Variants in FRY observed in about 807,000 individuals in gnomAD.
FRY encodes FRY microtubule binding protein, also known as protein furry homolog.
FRY carries 128 observed loss-of-function variants against 348.4 expected under a neutral mutation model. The observed-to-expected ratio is 0.37, with a 90% CI of 0.32 to 0.43. The LOEUF is 0.43. Ranked by LOEUF, FRY falls within the 20% of genes least tolerant of loss-of-function variation. The pLI is 1.00. For synonymous variants in FRY, 1,370 were observed against 1,374.7 expected (o/e 1.00, Z 0.08); for missense variants, 2,736 against 3,695.2 (o/e 0.74, Z 6.73).
rs571492368 is a variant in FRY at position 32,044,708 on chromosome 13, G to A, written c.70+12843G>A. 1.5e-4 allele frequency among the ~76,000 whole-genome samples: 23 copies of A among 152,282 alleles called. No individual in the cohort carries two copies. In the South Asian group the frequency reaches 4.4e-3, roughly 29 times the overall value. On this transcript the variant is annotated intron_variant, in intron 1 of 60. Coordinates refer to ENST00000542859, the MANE Select transcript of FRY (RefSeq NM_023037.3). ...TGGCCTTCAGTGCAAGCTTCTGACT[G>A]CTATCCCAGTTGCTGGGGGAACTTC...
intron 36 of FRY, among the ~76,000 whole-genome samples, chr13:32,219,122 T>G (rs1271732378): frequency 6.8e-6 from 1 of 147,756 alleles, no homozygotes; most frequent in African/African-American, 2.5e-5. Context: ...GGAGTCTCGC[T>G]TTGTCGCCCA....
At chr13:32,098,961 G>T (rs1175423046) in intron 2 of FRY, among the ~76,000 whole-genome samples, 1 of 151,946 alleles carries the variant, frequency 6.6e-6, no homozygotes, top group Non-Finnish European at 1.5e-5. Flanking sequence ...TGAAACCTCA[G>T]ACTTGCAGGA....
chr13:32,191,892 C>T (rs927404461), intron 28 of FRY, among the ~76,000 whole-genome samples: 7 of 152,014 alleles, frequency 4.6e-5, no homozygotes, highest in East Asian at 3.9e-4. Flanking sequence ...TTGGAGGTTG[C>T]GGGGATACAA....
rs1350913729 is a variant in FRY at position 32,157,215 on chromosome 13, A to G, written c.1652-58A>G. The G allele has an allele frequency of 7.9e-6, 12 of 1,516,596 alleles. No homozygotes were observed. In the East Asian group the frequency reaches 2.0e-4, roughly 26 times the overall value. 93.9% of individuals were successfully genotyped at this position (1,516,596 alleles called of 1,614,324 possible). On this transcript the variant is annotated intron_variant, in intron 15 of 60. Coordinates refer to ENST00000542859, the MANE Select transcript of FRY (RefSeq NM_023037.3). ...AAAAAATATTATAGAGGATGAATAA[A>G]TCAGGATATCCTTTGATAGATTCAG...
rs750757904 is a variant in FRY, at chr13:32,175,640, C to G, written c.2421+8C>G. 6.8e-7 allele frequency: 1 copy of G among 1,468,866 alleles called. No homozygotes were observed. Among genetic ancestry groups the G allele is most frequent in the South Asian group, 1.1e-5 (1 of 88,174 alleles). 91.0% of individuals were successfully genotyped at this position (1,468,866 alleles called of 1,614,324 possible). On this transcript the variant is annotated splice_region_variant and intron_variant, in intron 20 of 60. Coordinates refer to ENST00000542859, the MANE Select transcript of FRY (RefSeq NM_023037.3). ...GTAGCAGTTTCGGATTCAGTAAGTACACATTTGATTCCAATTAATGGCTCT... is the reference window on the plus strand; with the variant it reads ...GTAGCAGTTTCGGATTCAGTAAGTAGACATTTGATTCCAATTAATGGCTCT...
At chr13:32,229,517 G>A (rs1261418921) in intron 40 of FRY, among the ~76,000 whole-genome samples, 1 of 152,204 alleles carries the variant, frequency 6.6e-6, no homozygotes, top group African/African-American at 2.4e-5. Flanking sequence ...TTAATGTGCA[G>A]GAAGCTTAGG....
At chr13:32,103,953 C>T (rs762321939) in intron 3 of FRY, among the ~76,000 whole-genome samples, 7 of 148,990 alleles carry the variant, frequency 4.7e-5, no homozygotes, top group Non-Finnish European at 1.0e-4. Context: ...ACAGTGAGAC[C>T]GCATCTCGAA....
chr13:32,287,718 T>C (rs1306064750), intron 58 of FRY: 1 of 211,668 alleles, frequency 4.7e-6, no homozygotes, highest in East Asian at 1.3e-4. Context: ...GGGTACGACA[T>C]TTGCAACATT....
intron 3 of FRY, among the ~76,000 whole-genome samples, chr13:32,105,633 A>T (rs1250635576): frequency 6.6e-6 from 1 of 152,216 alleles, no homozygotes; most frequent in African/African-American, 2.4e-5. Context: ...AATATGCTGG[A>T]GATGCCACCT....
chr13:32,256,513 G>A (rs1287544406), intron 51 of FRY, among the ~76,000 whole-genome samples: 1 of 150,988 alleles, frequency 6.6e-6, no homozygotes, highest in Non-Finnish European at 1.5e-5. Flanking sequence ...CAGACTGGAT[G>A]ACAGAGTGAG....
chr13:32,222,782 T>C (rs190587836), intron 36 of FRY, among the ~76,000 whole-genome samples: 3 of 152,338 alleles, frequency 2.0e-5, no homozygotes, highest in Admixed American at 2.0e-4. Flanking sequence ...ATATGTGAAA[T>C]GCATAGGCCA....
rs762224073 is a variant in FRY at position 32,198,615 on chromosome 13, G to A, written c.3747-3326G>A. Among the ~76,000 whole-genome samples the A allele has an allele frequency of 8.5e-5, 13 of 152,286 alleles. No individual in the cohort carries two copies. In the South Asian group the frequency reaches 1.4e-3, roughly 17 times the overall value. ...ACTTTTCTCTAGGCTTTGCATGCTTGTTGTGAAGATTAAATAACAAATCTA... is the reference window on the plus strand; with the variant it reads ...ACTTTTCTCTAGGCTTTGCATGCTTATTGTGAAGATTAAATAACAAATCTA... On this transcript the variant is annotated intron_variant, in intron 29 of 60. Transcript: ENST00000542859.
Position 32,178,899 on chromosome 13 carries a change from A to G in FRY, c.2737A>G (p.Thr913Ala), listed in dbSNP as rs1882531283. ...TGCCGGCAGCGGAGACAACTATGTT[A>G]CTTTGTGGAGAAATTACCTAATTCT... ...STAGSGDNYV[T>A]LWRNYLILCF... The change falls in exon 22 of 61, where the codon ACT becomes GCT. Residue 913 changes from threonine to alanine, a missense_variant. By Grantham distance (58) the Thr-to-Ala change is moderately conservative. Around this residue, in one of 9 missense-constraint regions of FRY, gnomAD observed 449 missense variants for 576.9 expected, o/e 0.78. Transcript: ENST00000542859. The G allele has an allele frequency of 1.2e-6, 2 of 1,613,758 alleles. No individual in the cohort carries two copies. Among genetic ancestry groups the G allele is most frequent in the East Asian group, 4.5e-5 (2 of 44,872 alleles).
intron 1 of FRY, among the ~76,000 whole-genome samples, chr13:32,053,328 C>T (rs1404492415): frequency 6.6e-6 from 1 of 152,104 alleles, no homozygotes; most frequent in Non-Finnish European, 1.5e-5. Flanking sequence ...CTCTTACCGA[C>T]TATGCTTAGT....
chr13:32,103,496 G>A (rs1877303306), intron 3 of FRY, among the ~76,000 whole-genome samples: 1 of 152,158 alleles, frequency 6.6e-6, no homozygotes, highest in Non-Finnish European at 1.5e-5. Flanking sequence ...TCACACACCA[G>A]GGCCTGTCGT....
intron 55 of FRY, among the ~76,000 whole-genome samples, chr13:32,270,752 T>C (rs150545153): frequency 6.6e-6 from 1 of 152,320 alleles, no homozygotes; most frequent in Non-Finnish European, 1.5e-5. Context: ...TCCCCTGGCA[T>C]CTCGGGATTT....
intron 1 of FRY, among the ~76,000 whole-genome samples, chr13:32,066,707 C>G (rs550409660): frequency 4.6e-5 from 7 of 152,104 alleles, no homozygotes; most frequent in African/African-American, 1.7e-4. Context: ...TCCAAGCAGC[C>G]GCTTTTTCTC....
In FRY at chr13:32,184,978, C is replaced by T. The variant is rs1267199750; in HGVS notation, c.3149C>T (p.Thr1050Ile). The T allele has an allele frequency of 6.2e-7, 1 of 1,613,326 alleles. No homozygotes were observed. Among genetic ancestry groups the T allele is most frequent in the East Asian group, 2.2e-5 (1 of 44,896 alleles). ...LADAGVISDS[T>I]NGALERDTLA... ...AGTTTCATTTTCCTTTATTCCAGCACAAATGGAGCCCTAGAGCGGGATACT... is the reference window on the plus strand; with the variant it reads ...AGTTTCATTTTCCTTTATTCCAGCATAAATGGAGCCCTAGAGCGGGATACT... The change falls in exon 26 of 61, where the codon ACA becomes ATA. Residue 1050 changes from threonine (T) to isoleucine (I), a missense_variant and splice_region_variant. By Grantham distance (89) the Thr-to-Ile change is moderately conservative. Transcript: ENST00000542859.
At chr13:32,176,705 T>G (rs938889263) in intron 20 of FRY, among the ~76,000 whole-genome samples, 5 of 152,236 alleles carry the variant, frequency 3.3e-5, no homozygotes, top group African/African-American at 1.2e-4. Flanking sequence ...TGTGCTTTTG[T>G]TCTGTGTGTA....
Sources: allele counts gnomAD v4.1 joint callset (sites outside exome capture counted in the v4.1 genomes callset), GRCh38; gene constraint gnomAD v4.1.1; regional missense constraint gnomAD v4.1.1; transcripts MANE v1.5; gene names NCBI Gene and HGNC (gene_info 2026-07-23, HGNC 2026-07-21).